COL5A1: variants seen among roughly 807,000 people sequenced by gnomAD.
The protein encoded by COL5A1 is collagen alpha-1(V) chain.
COL5A1 carries 16 observed loss-of-function variants against 263.7 expected under a neutral mutation model. The ratio of observed to expected loss-of-function variants is 0.06; its 90% CI spans 0.04 to 0.09. COL5A1 has a LOEUF of 0.09. COL5A1 is among the 10% of genes least tolerant of loss of function. The pLI is 1.00. For synonymous variants in COL5A1, 1,012 were observed against 1,004.5 expected (o/e 1.01, Z -0.14); for missense variants, 2,036 against 2,540.5 (o/e 0.80, Z 4.27).
rs1273195387 is a variant in COL5A1, at chr9:134,824,838, A to G, written c.4937A>G (p.His1646Arg). ...ARTCKDLQLCHPDFPDGEYWV... is the reference protein window; with the variant it reads ...ARTCKDLQLCRPDFPDGEYWV... ...ACCTGCAAGGACCTGCAGCTCTGCC[A>G]CCCCGACTTCCCAGATGGTGAGGGC... Residue 1646 changes from histidine to arginine, a missense_variant, in exon 62 of 66, where the codon CAC (histidine) becomes CGC (arginine). His to Arg is a conservative substitution (Grantham distance 29). Around this residue, in one of 3 missense-constraint regions of COL5A1, gnomAD observed 358 missense variants for 384.6 expected, o/e 0.93. Coordinates refer to ENST00000371817, the MANE Select transcript of COL5A1 (RefSeq NM_000093.5). The G allele has an allele frequency of 6.2e-7, 1 of 1,612,592 alleles. No individual in the cohort carries two copies. Among genetic ancestry groups the G allele is most frequent in the Non-Finnish European group, 8.5e-7 (1 of 1,179,762 alleles).
At position 134,647,787 on chromosome 9, in the gene COL5A1, A is replaced by G. The variant is rs1343660976; in HGVS notation, c.109+5491A>G. On this transcript the variant is annotated intron_variant, in intron 1 of 65. Coordinates refer to ENST00000371817, the MANE Select transcript of COL5A1 (RefSeq NM_000093.5). The surrounding 1 kb of genome is among the most constrained non-coding windows in gnomAD (Gnocchi z 5.0). ...TGGCTCCCGCTTCTCCTCTATTTACATTCTCCCATATAATTGACTCGTCTG... is the reference window on the plus strand; with the variant it reads ...TGGCTCCCGCTTCTCCTCTATTTACGTTCTCCCATATAATTGACTCGTCTG... Among the ~76,000 whole-genome samples, 1 of 152,132 alleles carries G rather than the reference A, an allele frequency of 6.6e-6. No individual in the cohort carries two copies. Among genetic ancestry groups the G allele is most frequent in the Middle Eastern group, 3.4e-3 (1 of 294 alleles).
intron 59 of COL5A1, among the ~76,000 whole-genome samples, chr9:134,822,708 C>G (rs961235890): frequency 1.3e-4 from 17 of 129,822 alleles, no homozygotes; most frequent in African/African-American, 5.1e-4. Context: ...AGGACATGCT[C>G]TTTTCCGCTG....
At position 134,784,954 on chromosome 9, in the gene COL5A1, G is replaced by GCGGGGCA. The variant is rs770686283; in HGVS notation, c.2485-35_2485-34insCGGGGCA. ...GGTGGAGAATAGTGTGTGTGCGGGG[G>GCGGGGCA]GTGGTCTTCTCACCTCCTCTTTTCT... On this transcript the variant is annotated intron_variant, in intron 29 of 65. Coordinates refer to ENST00000371817, the MANE Select transcript of COL5A1 (RefSeq NM_000093.5). The GCGGGGCA allele has an allele frequency of 7.5e-6, 11 of 1,462,602 alleles. No homozygotes were observed. In the African/African-American group the frequency reaches 1.7e-4, roughly 22 times the overall value. 90.6% of individuals were successfully genotyped at this position (1,462,602 alleles called of 1,614,324 possible).
chr9:134,687,415 TCATCCATC>T (rs5901049), intron 1 of COL5A1, among the ~76,000 whole-genome samples: 12,882 of 147,626 alleles, frequency 0.087, 651 homozygotes, highest in East Asian at 0.17. Context: ...CTCTGGGACT[TCATCCATC>T]CATCCATCCA....
Position 134,796,921 on chromosome 9 carries a change from C to G in COL5A1, c.2898+20C>G. 2 of 1,611,698 alleles carry G rather than the reference C, an allele frequency of 1.2e-6. No homozygotes were observed. The highest frequency in any genetic ancestry group is 1.7e-6 in the Non-Finnish European group (2 of 1,178,198). On this transcript the variant is annotated intron_variant, in intron 36 of 65. Coordinates refer to ENST00000371817, the MANE Select transcript of COL5A1 (RefSeq NM_000093.5). ...CCCCCTGTAAGTAATGGCTTCCTTG[C>G]TGGGCCAGCACTGCCTGTCCCCTCC...
At position 134,691,014 on chromosome 9, in the gene COL5A1, C is replaced by G. The variant is rs779540528; in HGVS notation, c.212C>G (p.Pro71Arg). 6.2e-7 allele frequency: 1 copy of G among 1,613,820 alleles called. No homozygotes were observed. Among genetic ancestry groups the G allele is most frequent in the Non-Finnish European group, 8.5e-7 (1 of 1,180,044 alleles). ...FCATRRSSKG[P>R]DVAYRVTKDA... is the part of the protein sequence containing the mutation. ...GCCACGCGGCGATCTTCCAAAGGCC[C>G]GGATGTCGCTTACAGAGTCACCAAA... Residue 71 changes from proline to arginine, a missense_variant, in exon 2 of 66, where the codon CCG becomes CGG. This residue lies in a region of COL5A1 where 600 missense variants were observed against 634.5 expected (regional missense o/e 0.95). Transcript: ENST00000371817.
At chr9:134,747,917 ACATGCATT>A (rs1234743716) in intron 11 of COL5A1, among the ~76,000 whole-genome samples, 1 of 148,128 alleles carries the variant, frequency 6.8e-6, no homozygotes, top group Non-Finnish European at 1.5e-5. Context: ...ACACATGCAC[ACATGCATT>A]CATACACACA....
rs1429816721 is a variant in COL5A1 at position 134,697,875 on chromosome 9, G to A, written c.278-2034G>A. Among the ~76,000 whole-genome samples the A allele has an allele frequency of 5.3e-5, 8 of 152,174 alleles. 1 individual carries two copies. The highest frequency in any genetic ancestry group is 7.2e-5 in the African/African-American group (3 of 41,442). On this transcript the variant is annotated intron_variant, in intron 2 of 65. Transcript: ENST00000371817. Reference sequence around the variant, plus strand: ...AAGGCGGGTGGATCACCTGAGGTCAGGAGTTCGAGACCAGCCTGACCAACA... The same window carrying A: ...AAGGCGGGTGGATCACCTGAGGTCAAGAGTTCGAGACCAGCCTGACCAACA...
At chr9:134,717,108 C>A (rs1017611116) in intron 4 of COL5A1, among the ~76,000 whole-genome samples, 1 of 145,892 alleles carries the variant, frequency 6.9e-6, no homozygotes, top group Non-Finnish European at 1.5e-5. Flanking sequence ...GTAAATGTGA[C>A]TGGTCTGGCC....
At chr9:134,738,998 T>C (rs1835203997) in intron 11 of COL5A1, among the ~76,000 whole-genome samples, 190 bp downstream of exon 11, 1 of 152,096 alleles carries the variant, frequency 6.6e-6, no homozygotes, top group Non-Finnish European at 1.5e-5. Context: ...ACTGTGGCTA[T>C]GGGGAGAGTG....
rs992155359 is a variant in COL5A1, at chr9:134,731,484, C to G, written c.1165-12C>G. 1 of 1,613,984 alleles carries G rather than the reference C, an allele frequency of 6.2e-7. No homozygotes were observed. The highest frequency in any genetic ancestry group is 8.5e-7 in the Non-Finnish European group (1 of 1,179,972). The stretch of plus-strand genomic sequence containing the variant: ...TTGCGAGGCAACCCTGCGCCTTCCT[C>G]TCCCTCTGCAGCCAGCTCCGCCTCC... On this transcript the variant is annotated splice_polypyrimidine_tract_variant and intron_variant, in intron 7 of 65. Transcript: ENST00000371817.
At chr9:134,697,557 G>T (rs766368572) in intron 2 of COL5A1, among the ~76,000 whole-genome samples, 1 of 151,942 alleles carries the variant, frequency 6.6e-6, no homozygotes, top group Non-Finnish European at 1.5e-5. Context: ...GTGAGGGAGT[G>T]GACTCAGATG....
Position 134,821,803 on chromosome 9 carries a change from G to A in COL5A1, c.4555-294G>A, listed in dbSNP as rs10858284. The stretch of plus-strand genomic sequence containing the variant: ...GTATTTCCAAATGAACGTGAAAAGA[G>A]GTGCTCAGCCTGAAGTCCTCGGTGG... On this transcript the variant is annotated intron_variant, in intron 58 of 65. Transcript: ENST00000371817. The surrounding 1 kb of genome is among the most constrained non-coding windows in gnomAD (Gnocchi z 4.2). Among the ~76,000 whole-genome samples, 18,038 of 152,274 alleles carry A rather than the reference G, an allele frequency of 0.12. 1,274 individuals are homozygous for A. Among genetic ancestry groups the A allele is most frequent in the Middle Eastern group, 0.17 (51 of 294 alleles).
intron 2 of COL5A1, among the ~76,000 whole-genome samples, chr9:134,697,039 C>T (rs966151613): frequency 6.6e-6 from 1 of 151,816 alleles, no homozygotes; most frequent in Non-Finnish European, 1.5e-5. Flanking sequence ...CCACTGCACT[C>T]CAGCCTGGGC....
At chr9:134,835,721 G>C (rs919327573) in intron 65 of COL5A1, among the ~76,000 whole-genome samples, 1 of 152,214 alleles carries the variant, frequency 6.6e-6, no homozygotes, top group Non-Finnish European at 1.5e-5. Flanking sequence ...AATGGAGGCC[G>C]GAGCGGCGGG....
chr9:134,704,619 G>A (rs1833779641), intron 4 of COL5A1, among the ~76,000 whole-genome samples: 1 of 152,188 alleles, frequency 6.6e-6, no homozygotes, highest in South Asian at 2.1e-4. Flanking sequence ...CAGAGTGGCT[G>A]CCAGGAACGA....
chr9:134,690,459 C>T (rs1290279328), intron 1 of COL5A1, among the ~76,000 whole-genome samples: 2 of 152,216 alleles, frequency 1.3e-5, no homozygotes, highest in East Asian at 1.9e-4. Flanking sequence ...GTCAGCTCCG[C>T]AGTGGGCCTT....
chr9:134,810,541 G>A (rs1302396910), intron 44 of COL5A1: 2 of 555,514 alleles, frequency 3.6e-6, no homozygotes, highest in Non-Finnish European at 6.4e-6. Context: ...CACCGGTTTT[G>A]CGAAATTAAA....
At chr9:134,817,929 G>T in intron 54 of COL5A1, 98 bp downstream of exon 54, 1 of 1,251,870 alleles carries the variant, frequency 8.0e-7, no homozygotes. Context: ...GATGTCCATG[G>T]AGGCTGAGAG....
Sources: gnomAD v4.1 joint callset for allele counts (sites outside exome capture counted in the v4.1 genomes callset) on GRCh38, gnomAD v4.1.1 for gene constraint, gnomAD v4.1.1 regional missense constraint, Gnocchi (gnomAD v3.1) non-coding constraint, MANE v1.5 for transcripts, NCBI Gene and HGNC (gene_info 2026-07-23, HGNC 2026-07-21) for gene names.